Variants in PRRC2B observed in about 807,000 individuals in gnomAD.
The protein encoded by PRRC2B is protein PRRC2B.
In PRRC2B, 68 loss-of-function variants were observed where a neutral mutation model predicts 242.3. That is an observed-to-expected ratio of 0.28 (90% confidence interval 0.23 to 0.34). The LOEUF (loss-of-function observed/expected upper bound fraction) is 0.34. Ranked by LOEUF, PRRC2B falls within the 10% of genes least tolerant of loss-of-function variation. PRRC2B has a pLI of 1.00. For missense variants in PRRC2B, 2,835 were observed against 2,954.8 expected (o/e 0.96, Z 0.94); for synonymous variants, 1,228 against 1,173.6 (o/e 1.05, Z -0.95).
rs1838821791 is a variant in PRRC2B at position 131,446,942 on chromosome 9, T to TG, written c.856-141dup. On this transcript the variant is annotated intron_variant, in intron 7 of 31. Transcript: ENST00000683519. This position sits in a 1 kb window ranked among gnomAD's most constrained non-coding sequence, Gnocchi z 4.1. ...GGCAGCAGGAATGAAATGGGGGAGA[T>TG]GGTGGTAGGATTAATTAGGAAACCC... 1 of 1,091,414 alleles carries TG rather than the reference T, an allele frequency of 9.2e-7. No homozygotes were observed. The allele number at this position is 1,091,414 out of a possible 1,614,324, so 67.6% of individuals were successfully genotyped here.
In PRRC2B at chr9:131,429,964, T is replaced by C. The variant is rs908949400; in HGVS notation, c.-51-130T>C. 4.7e-4 allele frequency: 280 copies of C among 597,434 alleles called. 2 individuals are homozygous for C. Among genetic ancestry groups the C allele is most frequent in the Non-Finnish European group, 1.5e-4 (51 of 337,862 alleles). The allele number at this position is 597,434 out of a possible 1,614,324, so 37.0% of individuals were successfully genotyped here. A position where few individuals can be genotyped will look rare whatever the true frequency, so the allele number is the denominator to read the frequency against. On this transcript the variant is annotated intron_variant, in intron 1 of 31. Transcript: ENST00000683519. ...GTTTTCTAAGGACAGTCCAAAGCCATCTTCAGATCTTCAAGGAGATCCATG... is the reference window on the plus strand; with the variant it reads ...GTTTTCTAAGGACAGTCCAAAGCCACCTTCAGATCTTCAAGGAGATCCATG...
At chr9:131,490,119 C>T (rs1360391514) in intron 28 of PRRC2B, among the ~76,000 whole-genome samples, 3 of 152,130 alleles carry the variant, frequency 2.0e-5, no homozygotes, top group African/African-American at 7.2e-5. Flanking sequence ...TCCAGCATGT[C>T]TGCTATGGTG....
chr9:131,411,479 T>C (rs907077764), intron 1 of PRRC2B, among the ~76,000 whole-genome samples: 7 of 150,842 alleles, frequency 4.6e-5, no homozygotes, highest in Non-Finnish European at 7.4e-5. Flanking sequence ...CCCGAGTAGC[T>C]GGGACTACAG....
At chr9:131,433,494 G>C (rs1280243372) in intron 3 of PRRC2B, among the ~76,000 whole-genome samples, 1 of 152,240 alleles carries the variant, frequency 6.6e-6, no homozygotes, top group African/African-American at 2.4e-5. Context: ...TTGGATGGCT[G>C]CACCTTTGTC....
At chr9:131,442,815 T>C (rs899560470) in intron 5 of PRRC2B, among the ~76,000 whole-genome samples, 1 of 152,226 alleles carries the variant, frequency 6.6e-6, no homozygotes, top group African/African-American at 2.4e-5. Flanking sequence ...ATTTTTAATC[T>C]GTTCATCCAA....
At position 131,494,353 on chromosome 9, in the gene PRRC2B, T is replaced by C; in HGVS notation, c.6474-52T>C. 1 of 992,012 alleles carries C rather than the reference T, an allele frequency of 1.0e-6. No individual in the cohort carries two copies. The highest frequency in any genetic ancestry group is 1.6e-6 in the Non-Finnish European group (1 of 643,422). 61.5% of individuals were successfully genotyped at this position (992,012 alleles called of 1,614,324 possible). ...CTCCATGTGCTAGGCTTTGACTCCA[T>C]TTCTGTGGTGACACGTTGTGTATTC... is the stretch of plus-strand genomic sequence containing the variant. On this transcript the variant is annotated intron_variant, in intron 30 of 31. Coordinates refer to ENST00000683519, the MANE Select transcript of PRRC2B (RefSeq NM_013318.4). This position sits in a 1 kb window ranked among gnomAD's most constrained non-coding sequence, Gnocchi z 4.3.
intron 9 of PRRC2B, among the ~76,000 whole-genome samples, chr9:131,454,470 G>A (rs978273148): frequency 6.6e-6 from 1 of 152,142 alleles, no homozygotes; most frequent in Admixed American, 6.5e-5. Flanking sequence ...TTACCTGTGG[G>A]AGGGTTAGTC....
intron 19 of PRRC2B, among the ~76,000 whole-genome samples, chr9:131,479,611 A>AT (rs58310587): frequency 0.98 from 149,055 of 152,346 alleles, 73,013 homozygotes; most frequent in East Asian, 1. Context: ...CTTGCCTAAA[A>AT]TTGGTAGAAG....
intron 1 of PRRC2B, among the ~76,000 whole-genome samples, chr9:131,400,463 G>A (rs918108329): frequency 9.2e-5 from 14 of 151,852 alleles, no homozygotes; most frequent in Non-Finnish European, 1.8e-4. Context: ...GATTACAGGC[G>A]TGCACCACCA....
chr9:131,381,307 G>A (rs1337006383), intron 1 of PRRC2B, among the ~76,000 whole-genome samples: 1 of 152,100 alleles, frequency 6.6e-6, no homozygotes, highest in Non-Finnish European at 1.5e-5. Context: ...CTTTATTTGG[G>A]AGGCTGCTTT....
At chr9:131,485,502 G>A (rs953388199) in intron 25 of PRRC2B, among the ~76,000 whole-genome samples, 13 of 152,182 alleles carry the variant, frequency 8.5e-5, no homozygotes, top group African/African-American at 3.1e-4. Context: ...ATGAAACTCC[G>A]TGGGGTGGCC....
chr9:131,374,729 G>A (rs1349774499), intron 1 of PRRC2B, among the ~76,000 whole-genome samples: 1 of 152,052 alleles, frequency 6.6e-6, no homozygotes, highest in Non-Finnish European at 1.5e-5. Flanking sequence ...GTTTCTCCAT[G>A]TTGGCCAGTC....
At chr9:131,416,296 A>G (rs1168116311) in intron 1 of PRRC2B, among the ~76,000 whole-genome samples, 5 of 152,016 alleles carry the variant, frequency 3.3e-5, no homozygotes, top group Non-Finnish European at 7.4e-5. Context: ...TTTAGTAGGG[A>G]TGGGGTTTCA....
At chr9:131,495,067 C>T (rs1222530022) in intron 31 of PRRC2B, among the ~76,000 whole-genome samples, 1 of 152,098 alleles carries the variant, frequency 6.6e-6, no homozygotes, top group East Asian at 1.9e-4. Context: ...TGATTGCTCT[C>T]ATTGGTTCCC....
At chr9:131,436,481 C>T in intron 3 of PRRC2B, 139 bp from the exon 4 acceptor site, 1 of 594,888 alleles carries the variant, frequency 1.7e-6, no homozygotes, top group Non-Finnish European at 2.9e-6. Flanking sequence ...TAAGAATCTA[C>T]TGGGGAAAGT....
chr9:131,393,170 CAAT>C (rs1836934018), upstream of PRRC2B, among the ~76,000 whole-genome samples: 3 of 152,234 alleles, frequency 2.0e-5, 1 homozygote, highest in East Asian at 5.8e-4. Flanking sequence ...TGAATTAGAA[CAAT>C]AATATCTGCC....
chr9:131,467,894 C>T (rs1469576258), intron 13 of PRRC2B, 141 bp downstream of exon 13: 17 of 799,422 alleles, frequency 2.1e-5, no homozygotes, highest in African/African-American at 1.0e-4. Flanking sequence ...CCAGTGGGGA[C>T]GTCAGGAGTT....
chr9:131,438,067 C>G (rs1452491096), intron 4 of PRRC2B, among the ~76,000 whole-genome samples: 1 of 152,190 alleles, frequency 6.6e-6, no homozygotes, highest in Admixed American at 6.5e-5. Flanking sequence ...CTGGTTTTCT[C>G]TCATATGTGA....
At chr9:131,489,009 C>T (rs988280500) in intron 28 of PRRC2B, among the ~76,000 whole-genome samples, 2 of 152,016 alleles carry the variant, frequency 1.3e-5, no homozygotes, top group Non-Finnish European at 2.9e-5. Context: ...GCAGTTTGTG[C>T]CCTCCTCGCC....
Sources: allele counts gnomAD v4.1 joint callset (sites outside exome capture counted in the v4.1 genomes callset), GRCh38; gene constraint gnomAD v4.1.1; non-coding constraint Gnocchi (gnomAD v3.1); transcripts MANE v1.5; gene names NCBI Gene and HGNC (gene_info 2026-07-23, HGNC 2026-07-21).